Variants in ZNF516 observed in about 807,000 individuals in gnomAD.
The protein encoded by ZNF516 is zinc finger protein 516.
ZNF516 carries 19 observed loss-of-function variants against 79.7 expected under a neutral mutation model. That is an observed-to-expected ratio of 0.24 (90% CI 0.17 to 0.35). The LOEUF is 0.35. Among genes scored for constraint, ZNF516 ranks in the 10% least tolerant of loss-of-function variants. The pLI, the probability that ZNF516 is intolerant of heterozygous loss-of-function variation, is 1.00. For synonymous variants in ZNF516, 877 were observed against 739.5 expected, an observed-to-expected ratio of 1.19 and a Z score of -3.02; for missense variants, 1,678 against 1,679.5, an observed-to-expected ratio of 1.00 and a Z score of 0.02.
intron 2 of ZNF516, among the ~76,000 whole-genome samples, chr18:76,457,978 G>A (rs1466044942): frequency 6.6e-6 from 1 of 152,178 alleles, no homozygotes; most frequent in African/African-American, 2.4e-5. Context: ...AAGGCCCAAT[G>A]TACTTTGCAG....
intron 1 of ZNF516, chr18:76,488,044 G>C (rs933481336): frequency 3.0e-6 from 3 of 985,264 alleles, no homozygotes; most frequent in Non-Finnish European, 3.6e-6. Context: ...ACAGAGGCTT[G>C]TCCACAGCCC....
At chr18:76,436,170 A>C (rs2075731383) in intron 3 of ZNF516, among the ~76,000 whole-genome samples, 1 of 152,124 alleles carries the variant, frequency 6.6e-6, no homozygotes, top group South Asian at 2.1e-4. Context: ...TCTGCTTTTT[A>C]CCTTTACCCA....
At chr18:76,385,536 C>T (rs374633612) in intron 3 of ZNF516, 17 of 152,378 alleles carry the variant, frequency 1.1e-4, no homozygotes, top group East Asian at 5.8e-4. Flanking sequence ...GCTCCCCTTC[C>T]GCGCTTACGG....
rs1372649818 is a variant in ZNF516, at chr18:76,360,660, T to C, written c.*1838A>G. 1 of 107,592 alleles carries C rather than the reference T, an allele frequency of 9.3e-6. No individual in the cohort carries two copies. Among genetic ancestry groups the C allele is most frequent in the Admixed American group, 1.1e-4 (1 of 9,038 alleles). The allele number at this position is 107,592 out of a possible 1,614,324, so 6.7% of individuals were successfully genotyped here. On this transcript the variant is annotated 3_prime_UTR_variant, in exon 7 of 7. Transcript: ENST00000443185. ...AAAAAAAAAAAAATATATATATATATATATATATATATATATATAAGCTAG... is the reference window on the plus strand; with the variant it reads ...AAAAAAAAAAAAATATATATATATACATATATATATATATATATAAGCTAG...
intron 3 of ZNF516, among the ~76,000 whole-genome samples, chr18:76,392,527 G>GA (rs2075089137): frequency 7.0e-6 from 1 of 143,694 alleles, no homozygotes; most frequent in African/African-American, 2.7e-5. Flanking sequence ...TGGCCAGGTG[G>GA]GGGAAAGGTG....
chr18:76,377,775 G>A (rs1568237389), intron 4 of ZNF516, among the ~76,000 whole-genome samples: 3 of 149,906 alleles, frequency 2.0e-5, no homozygotes, highest in South Asian at 4.2e-4. Flanking sequence ...GAGTGCAGTG[G>A]CACGATCTCT....
chr18:76,426,728 T>G (rs543774324), intron 3 of ZNF516, among the ~76,000 whole-genome samples: 28 of 152,342 alleles, frequency 1.8e-4, no homozygotes, highest in African/African-American at 6.5e-4. Context: ...GGGAACATTA[T>G]TTCTCATCTA....
At chr18:76,460,313 C>A (rs1201531715) in intron 2 of ZNF516, among the ~76,000 whole-genome samples, 1 of 152,202 alleles carries the variant, frequency 6.6e-6, no homozygotes, top group Non-Finnish European at 1.5e-5. Context: ...AGCCACATCC[C>A]TCGACAAGGC....
intron 4 of ZNF516, among the ~76,000 whole-genome samples, chr18:76,372,178 G>C (rs138523193): frequency 3.0e-4 from 46 of 152,382 alleles, no homozygotes; most frequent in Admixed American, 6.5e-4. Context: ...GGCAAGGGGG[G>C]AAGTCCCCAA....
At chr18:76,404,380 C>G (rs1050835637) in intron 3 of ZNF516, among the ~76,000 whole-genome samples, 1 of 152,024 alleles carries the variant, frequency 6.6e-6, no homozygotes, top group Admixed American at 6.5e-5. Flanking sequence ...TGTGTGTGAA[C>G]GGCAGTTTTA....
intron 1 of ZNF516, among the ~76,000 whole-genome samples, chr18:76,468,963 A>G (rs992188063): frequency 7.2e-5 from 11 of 152,206 alleles, no homozygotes; most frequent in Admixed American, 4.6e-4. Flanking sequence ...ACTAAACCAC[A>G]CTGCTACAAA....
intron 3 of ZNF516, among the ~76,000 whole-genome samples, chr18:76,417,477 T>C (rs2075446650): frequency 6.6e-6 from 1 of 152,254 alleles, no homozygotes; most frequent in Admixed American, 6.5e-5. Flanking sequence ...CCAATTTTTC[T>C]AGCACATGCT....
intron 3 of ZNF516, among the ~76,000 whole-genome samples, chr18:76,435,701 C>T (rs1279867708): frequency 3.3e-5 from 5 of 152,226 alleles, no homozygotes; most frequent in African/African-American, 1.2e-4. Context: ...GAAAGGAACT[C>T]CTCAGAACTC....
At chr18:76,433,416 G>A (rs762326380) in intron 3 of ZNF516, among the ~76,000 whole-genome samples, 2 of 152,228 alleles carry the variant, frequency 1.3e-5, no homozygotes, top group Non-Finnish European at 2.9e-5. Context: ...GATGCCTGAC[G>A]CAAGGCGGAT....
intron 1 of ZNF516, among the ~76,000 whole-genome samples, chr18:76,487,004 C>T (rs892004887): frequency 2.0e-5 from 3 of 152,128 alleles, no homozygotes; most frequent in Admixed American, 1.3e-4. Flanking sequence ...TACTCTCCTG[C>T]TTGTGTTTTA....
At position 76,379,262 on chromosome 18, in the gene ZNF516, T is replaced by C; in HGVS notation, c.2852A>G (p.Glu951Gly). The change falls in exon 4 of 7, where the codon GAG becomes GGG. Residue 951 changes from glutamate to glycine, a missense_variant. By Grantham distance (98) the Glu-to-Gly change is moderately conservative. This residue lies in a region of ZNF516 where 1,294 missense variants were observed against 1,248.3 expected (regional missense o/e 1.04). Transcript: ENST00000443185. ...CCCCGCTGGGGGGACCCCAAACTTC[T>C]CCACAGGCTTGCTATTGGCCGAGGG... ...AQPSANSKPV[E>G]KFGVPPAGAG... The C allele has an allele frequency of 6.2e-7, 1 of 1,612,466 alleles. No individual in the cohort carries two copies. The highest frequency in any genetic ancestry group is 8.5e-7 in the Non-Finnish European group (1 of 1,179,576).
rs951833013 is a variant in ZNF516, at chr18:76,358,404, T to C, written c.*4094A>G. 9.8e-5 allele frequency: 15 copies of C among 152,362 alleles called. No individual in the cohort carries two copies. The highest frequency in any genetic ancestry group is 3.6e-4 in the African/African-American group (15 of 41,574). 9.4% of individuals were successfully genotyped at this position (152,362 alleles called of 1,614,324 possible). A position where few individuals can be genotyped will look rare whatever the true frequency, so the allele number is the denominator to read the frequency against. ...AATACAAATTCTATGGTCTTTTGCA[T>C]TTTACTGCCTCAAAGCAGAATTAGC... On this transcript the variant is annotated 3_prime_UTR_variant, in exon 7 of 7. Transcript: ENST00000443185.
In ZNF516 at chr18:76,493,701, C is replaced by T. The variant is rs1325741880; in HGVS notation, c.-272+1443G>A. 1 of 152,264 alleles carries T rather than the reference C, an allele frequency of 6.6e-6. No homozygotes were observed. Among genetic ancestry groups the T allele is most frequent in the Admixed American group, 6.5e-5 (1 of 15,284 alleles). The allele number at this position is 152,264 out of a possible 1,614,324, so 9.4% of individuals were successfully genotyped here. On this transcript the variant is annotated intron_variant, in intron 1 of 6. Coordinates refer to ENST00000443185, the MANE Select transcript of ZNF516 (RefSeq NM_014643.4). This position sits in a 1 kb window ranked among gnomAD's most constrained non-coding sequence, Gnocchi z 5.2. ...CTCCCTGAAAAATCACACTCCCCCT[C>T]CAGTTTCTTCCCCTGCAATGATTTC...
Position 76,442,684 on chromosome 18 carries a change from C to T in ZNF516, c.371G>A (p.Cys124Tyr). 4 of 1,582,574 alleles carry T rather than the reference C, an allele frequency of 2.5e-6. No individual in the cohort carries two copies. Among genetic ancestry groups the T allele is most frequent in the Non-Finnish European group, 3.4e-6 (4 of 1,167,200 alleles). The change falls in exon 3 of 7, where the codon TGC becomes TAC. Residue 124 changes from cysteine to tyrosine, a missense_variant. Around this residue, in one of 5 missense-constraint regions of ZNF516, gnomAD observed 279 missense variants for 254.1 expected, o/e 1.10. Coordinates refer to ENST00000443185, the MANE Select transcript of ZNF516 (RefSeq NM_014643.4). Reference sequence around the variant, plus strand: ...CGAGGCCCCGTTCAGCAGCCGGTTGCAGGCCGAGGCGCTCTTGGTGGGGCT... The same window carrying T: ...CGAGGCCCCGTTCAGCAGCCGGTTGTAGGCCGAGGCGCTCTTGGTGGGGCT... ...CASPTKSASA[C>Y]NRLLNGASQA...
Sources: allele counts gnomAD v4.1 joint callset (sites outside exome capture counted in the v4.1 genomes callset), GRCh38; gene constraint gnomAD v4.1.1; regional missense constraint gnomAD v4.1.1; non-coding constraint Gnocchi (gnomAD v3.1); transcripts MANE v1.5; gene names NCBI Gene and HGNC (gene_info 2026-07-23, HGNC 2026-07-21).